RNF133: variants seen among roughly 807,000 people sequenced by gnomAD.
RNF133 encodes the protein E3 ubiquitin-protein ligase RNF133.
For missense variants in RNF133, 469 were observed against 450.5 expected (o/e 1.04, Z -0.37); for synonymous variants, 153 against 152.1 (o/e 1.01, Z -0.04).
chr7:122,698,208 G>C lies in RNF133; in HGVS notation c.711C>G (p.Leu237=). 6.2e-7 allele frequency: 1 copy of C among 1,613,864 alleles called. No homozygotes were observed. The highest frequency in any genetic ancestry group is 8.5e-7 in the Non-Finnish European group (1 of 1,179,886). The change falls in exon 1 of 1, where the codon CTC becomes CTG. Residue 237 remains leucine, a synonymous_variant. Coordinates refer to ENST00000340112, the MANE Select transcript of RNF133 (RefSeq NM_139175.2). ...CCCCCTCTTTTACTACTCGAAGTTG[G>C]AGTTGTCCAAATGTGTTCTGAAGAT... is the stretch of plus-strand genomic sequence containing the variant. ...TTDLQNTFGQ[L]QLRVVKEGDE...
rs200636100 is a variant in RNF133 at position 122,698,338 on chromosome 7, A to G, written c.581T>C (p.Phe194Ser). 1.9e-6 allele frequency: 3 copies of G among 1,613,910 alleles called. No individual in the cohort carries two copies. The highest frequency in any genetic ancestry group is 1.7e-6 in the Non-Finnish European group (2 of 1,179,908). The change falls in exon 1 of 1, where the codon TTT becomes TCT. Residue 194 changes from phenylalanine (F) to serine (S), a missense_variant. Coordinates refer to ENST00000340112, the MANE Select transcript of RNF133 (RefSeq NM_139175.2). ...IIWMNHYLVS[F>S]VIVTTATLAY... ...TAAGGTAGCAGTTGTGACAATCACA[A>G]AAGAGACCAAATAGTGATTCATCCA...
Position 122,697,890 on chromosome 7 carries a change from T to TG in RNF133, c.1028dup (p.Gly344ArgfsTer5), listed in dbSNP as rs1448894544. ...CATGGATTACTTTATCTGAGGTTCC[T>TG]GCAGGAGAAACTTCATTATTTGTCT... On this transcript the variant is annotated frameshift_variant, in exon 1 of 1. Transcript: ENST00000340112. LOFTEE classifies it low-confidence loss of function (END_TRUNC). 14 of 1,613,674 alleles carry TG rather than the reference T, an allele frequency of 8.7e-6. No homozygotes were observed. Among genetic ancestry groups the TG allele is most frequent in the Non-Finnish European group, 1.1e-5 (13 of 1,179,698 alleles).
rs553950685 is a variant in RNF133, at chr7:122,698,148, T to G, written c.771A>C (p.Val257=). Residue 257 remains valine (V), a synonymous_variant, in exon 1 of 1, where the codon GTA becomes GTC. Transcript: ENST00000340112. ...EEINPNGDSC[V]ICFERYKPND... ...TAGGCTTATAGCGTTCAAAGCAAAT[T>G]ACGCAGCTATCCCCATTTGGATTTA... 6.2e-7 allele frequency: 1 copy of G among 1,613,984 alleles called. No homozygotes were observed. The highest frequency in any genetic ancestry group is 1.3e-5 in the African/African-American group (1 of 75,060).
Position 122,697,827 on chromosome 7 carries a change from C to T in RNF133, c.1092G>A (p.Gln364=), listed in dbSNP as rs941632933. Residue 364 remains glutamine (Q), a synonymous_variant, in exon 1 of 1, where the codon CAG becomes CAA. Transcript: ENST00000340112. The stretch of plus-strand genomic sequence containing the variant: ...GAACATCTTCCACTACTGAATGAGG[C>T]TGGATGTCATTATTCTGAGAAGTAG... ...ENPTSQNNDI[Q]PHSVVEDVHP... 6.2e-7 allele frequency: 1 copy of T among 1,605,410 alleles called. No homozygotes were observed.
rs541990483 is a variant in RNF133, at chr7:122,699,012, A to G, written c.-94T>C. 7 of 899,334 alleles carry G rather than the reference A, an allele frequency of 7.8e-6. No individual in the cohort carries two copies. The highest frequency in any genetic ancestry group is 1.7e-5 in the African/African-American group (1 of 59,628). The allele number at this position is 899,334 out of a possible 1,614,324, so 55.7% of individuals were successfully genotyped here. On this transcript the variant is annotated 5_prime_UTR_variant, in exon 1 of 1. Transcript: ENST00000340112. The stretch of plus-strand genomic sequence containing the variant: ...TAACGAAGAGAAAAAAATCTTCAGG[A>G]TACAAACAAGATCCACTGTCTTCCA...
Position 122,698,932 on chromosome 7 carries a change from G to C in RNF133, c.-14C>G. ...GAGTAGATGCATCTCTCTCTTCTCC[G>C]AGTGACTTAAGAACCAACCTAACAG... On this transcript the variant is annotated 5_prime_UTR_variant, in exon 1 of 1. Transcript: ENST00000340112. 6.5e-7 allele frequency: 1 copy of C among 1,543,776 alleles called. No individual in the cohort carries two copies.
At position 122,698,183 on chromosome 7, in the gene RNF133, C is replaced by A; in HGVS notation, c.736G>T (p.Asp246Tyr). ...QLQLRVVKEG[D>Y]EEINPNGDSC... ...TCCCCATTTGGATTTATTTCTTCAT[C>A]CCCCTCTTTTACTACTCGAAGTTGG... Residue 246 changes from aspartate to tyrosine, a missense_variant, in exon 1 of 1, where the codon GAT (aspartate) becomes TAT (tyrosine). By Grantham distance (160) the Asp-to-Tyr change is radical (BLOSUM62 -3). Transcript: ENST00000340112. The A allele has an allele frequency of 6.2e-7, 1 of 1,613,872 alleles. No homozygotes were observed. The highest frequency in any genetic ancestry group is 8.5e-7 in the Non-Finnish European group (1 of 1,179,858).
At position 122,698,027 on chromosome 7, in the gene RNF133, A is replaced by G. The variant is rs761393608; in HGVS notation, c.892T>C (p.Cys298Arg). ...ATCCCCAAAACTTTAAGAATATCAC[A>G]TTTGCAAATGGGGCATGTCCCATGG... is the stretch of plus-strand genomic sequence containing the variant. ...LPHGTCPICK[C>R]DILKVLGIQV... The change falls in exon 1 of 1, where the codon TGT becomes CGT. Residue 298 changes from cysteine to arginine, a missense_variant. Cys to Arg is a radical substitution (Grantham distance 180). Transcript: ENST00000340112. The G allele has an allele frequency of 2.5e-6, 4 of 1,613,584 alleles. No homozygotes were observed. Among genetic ancestry groups the G allele is most frequent in the South Asian group, 1.1e-5 (1 of 90,962 alleles).
Position 122,698,114 on chromosome 7 carries a change from CTA to C in RNF133, c.803_804del (p.Ile268SerfsTer7). 1 of 1,614,018 alleles carries C rather than the reference CTA, an allele frequency of 6.2e-7. No individual in the cohort carries two copies. Among genetic ancestry groups the C allele is most frequent in the Non-Finnish European group, 8.5e-7 (1 of 1,179,894 alleles). On this transcript the variant is annotated frameshift_variant, in exon 1 of 1. Coordinates refer to ENST00000340112, the MANE Select transcript of RNF133 (RefSeq NM_139175.2). LOFTEE classifies it low-confidence loss of function (END_TRUNC). ...AAATGTTTACAAGTCAGAATACGAACTATGTCATTAGGCTTATAGCGTTCAAA... is the reference window on the plus strand; with the variant it reads ...AAATGTTTACAAGTCAGAATACGAACTGTCATTAGGCTTATAGCGTTCAAA... ...ICFERYKPND[I>X]VRILTCKHFF...
At position 122,698,173 on chromosome 7, in the gene RNF133, ATTTCTTCAT is replaced by A; in HGVS notation, c.737_745del (p.Asp246_Ile249delinsVal). 6.2e-7 allele frequency: 1 copy of A among 1,613,914 alleles called. No homozygotes were observed. The highest frequency in any genetic ancestry group is 8.5e-7 in the Non-Finnish European group (1 of 1,179,882). Reference sequence around the variant, plus strand: ...TACGCAGCTATCCCCATTTGGATTTATTTCTTCATCCCCCTCTTTTACTACTCGAAGTTG... The same window carrying A: ...TACGCAGCTATCCCCATTTGGATTTACCCCCTCTTTTACTACTCGAAGTTG... On this transcript the variant is annotated inframe_deletion, in exon 1 of 1. Transcript: ENST00000340112.
Position 122,698,852 on chromosome 7 carries a change from CACTGA to C in RNF133, c.62_66del (p.Phe21CysfsTer6). On this transcript the variant is annotated frameshift_variant, in exon 1 of 1. Coordinates refer to ENST00000340112, the MANE Select transcript of RNF133 (RefSeq NM_139175.2). LOFTEE classifies it low-confidence loss of function (END_TRUNC). ...CAGTTCTGACTAACAAGCCAAAGAA[CACTGA>C]ACTTCATAAGCCAGGAAGAGGCAGT... 1 of 1,612,894 alleles carries C rather than the reference CACTGA, an allele frequency of 6.2e-7. No individual in the cohort carries two copies. Among genetic ancestry groups the C allele is most frequent in the Non-Finnish European group, 8.5e-7 (1 of 1,179,376 alleles).
At position 122,699,030 on chromosome 7, in the gene RNF133, G is replaced by T; in HGVS notation, c.-112C>A. 1 of 713,868 alleles carries T rather than the reference G, an allele frequency of 1.4e-6. No individual in the cohort carries two copies. The highest frequency in any genetic ancestry group is 2.3e-6 in the Non-Finnish European group (1 of 437,010). The allele number at this position is 713,868 out of a possible 1,614,324, so 44.2% of individuals were successfully genotyped here. A position where few individuals can be genotyped will look rare whatever the true frequency, so the allele number is the denominator to read the frequency against. On this transcript the variant is annotated 5_prime_UTR_variant, in exon 1 of 1. Transcript: ENST00000340112. ...CTTCAGGATACAAACAAGATCCACT[G>T]TCTTCCAGCATGTTTTTGTAAGAAA...
At position 122,699,064 on chromosome 7, in the gene RNF133, G is replaced by A; in HGVS notation, c.-146C>T. 2 of 611,808 alleles carry A rather than the reference G, an allele frequency of 3.3e-6. No individual in the cohort carries two copies. Among genetic ancestry groups the A allele is most frequent in the East Asian group, 5.7e-5 (2 of 34,878 alleles). 37.9% of individuals were successfully genotyped at this position (611,808 alleles called of 1,614,324 possible). ...CATGTTTTTGTAAGAAATTCTTAAA[G>A]ATGGCTTATGAGTTTCAGATGTCTT... On this transcript the variant is annotated 5_prime_UTR_variant, in exon 1 of 1. Transcript: ENST00000340112.
rs750476006 is a variant in RNF133, at chr7:122,698,751, C to A, written c.168G>T (p.Leu56Phe). 2 of 1,613,736 alleles carry A rather than the reference C, an allele frequency of 1.2e-6. No homozygotes were observed. The highest frequency in any genetic ancestry group is 2.2e-5 in the East Asian group (1 of 44,884). The change falls in exon 1 of 1, where the codon TTG (leucine) becomes TTT (phenylalanine). Residue 56 changes from leucine to phenylalanine, a missense_variant. Transcript: ENST00000340112. ...FHVGNHVLSELGETGVFGRSS... is the reference protein window; with the variant it reads ...FHVGNHVLSEFGETGVFGRSS... The stretch of plus-strand genomic sequence containing the variant: ...TTCTTCCAAAGACTCCAGTCTCTCC[C>A]AACTCTGACAACACATGATTCCCAA...
Position 122,698,599 on chromosome 7 carries a change from C to G in RNF133, c.320G>C (p.Arg107Pro). ...TTTCTGTGTGAAGGTACAACCTCCCCGTTCAATAAGTGCAAGCCAGGTCTC... is the reference window on the plus strand; with the variant it reads ...TTTCTGTGTGAAGGTACAACCTCCCGGTTCAATAAGTGCAAGCCAGGTCTC... ...YSETWLALIE[R>P]GGCTFTQKIK... is the part of the protein sequence containing the mutation. Residue 107 changes from arginine (R) to proline (P), a missense_variant, in exon 1 of 1, where the codon CGG (arginine) becomes CCG (proline). Transcript: ENST00000340112. 1 of 1,613,970 alleles carries G rather than the reference C, an allele frequency of 6.2e-7. No homozygotes were observed. Among genetic ancestry groups the G allele is most frequent in the Non-Finnish European group, 8.5e-7 (1 of 1,179,894 alleles).
chr7:122,698,008 A>C lies in RNF133; in HGVS notation c.911T>G (p.Leu304Trp). The change falls in exon 1 of 1, where the codon TTG becomes TGG. Residue 304 changes from leucine (L) to tryptophan (W), a missense_variant. Physicochemically the swap from Leu to Trp is moderately conservative, Grantham distance 61. Transcript: ENST00000340112. ...ATTTTCAACAACCACTTGAATCCCC[A>C]AAACTTTAAGAATATCACATTTGCA... ...PICKCDILKV[L>W]GIQVVVENGT... is the part of the protein sequence containing the mutation. 6.2e-7 allele frequency: 1 copy of C among 1,613,574 alleles called. No individual in the cohort carries two copies. The highest frequency in any genetic ancestry group is 2.2e-5 in the East Asian group (1 of 44,868).
chr7:122,698,624 C>G lies in RNF133; in HGVS notation c.295G>C (p.Glu99Gln), dbSNP rs2085524747. 3 of 1,614,078 alleles carry G rather than the reference C, an allele frequency of 1.9e-6. No individual in the cohort carries two copies. The highest frequency in any genetic ancestry group is 2.5e-6 in the Non-Finnish European group (3 of 1,179,946). ...NTIFSRSKYS[E>Q]TWLALIERGG... is the part of the protein sequence containing the mutation. ...CGTTCAATAAGTGCAAGCCAGGTCTCTGAGTACTTTGATCGGCTGAAAATG... is the reference window on the plus strand; with the variant it reads ...CGTTCAATAAGTGCAAGCCAGGTCTGTGAGTACTTTGATCGGCTGAAAATG... Residue 99 changes from glutamate (E) to glutamine (Q), a missense_variant, in exon 1 of 1, where the codon GAG (glutamate) becomes CAG (glutamine). Coordinates refer to ENST00000340112, the MANE Select transcript of RNF133 (RefSeq NM_139175.2).
At position 122,698,542 on chromosome 7, in the gene RNF133, C is replaced by A; in HGVS notation, c.377G>T (p.Gly126Val). The A allele has an allele frequency of 6.2e-7, 1 of 1,614,044 alleles. No homozygotes were observed. Among genetic ancestry groups the A allele is most frequent in the Non-Finnish European group, 8.5e-7 (1 of 1,179,960 alleles). Residue 126 changes from glycine to valine, a missense_variant, in exon 1 of 1, where the codon GGA (glycine) becomes GTA (valine). Coordinates refer to ENST00000340112, the MANE Select transcript of RNF133 (RefSeq NM_139175.2). The part of the protein sequence containing the change: ...IKVATEKGAS[G>V]VIIYNVPGTG... ...ACCTGGAACGTTATAGATGATCACT[C>A]CACTGGCTCCCTTCTCAGTTGCCAC... is the stretch of plus-strand genomic sequence containing the variant.
At position 122,697,741 on chromosome 7, in the gene RNF133, C is replaced by A. The variant is rs768267303; in HGVS notation, c.*47G>T. The A allele has an allele frequency of 5.6e-6, 8 of 1,422,112 alleles. No individual in the cohort carries two copies. The highest frequency in any genetic ancestry group is 1.4e-5 in the South Asian group (1 of 71,180). 88.1% of individuals were successfully genotyped at this position (1,422,112 alleles called of 1,614,324 possible). A position where few individuals can be genotyped will look rare whatever the true frequency, so the allele number is the denominator to read the frequency against. ...GACAAACTGCTTGTCAGTATTAGGA[C>A]CTGATTTCACATACAGGTTTAATAC... On this transcript the variant is annotated 3_prime_UTR_variant, in exon 1 of 1. Transcript: ENST00000340112.
Sources: allele counts gnomAD v4.1 joint callset, GRCh38; gene constraint gnomAD v4.1.1; transcripts MANE v1.5; gene names NCBI Gene and HGNC (gene_info 2026-07-23, HGNC 2026-07-21).